The following AGAP1 variants were observed in gnomAD, a reference collection of about 807,000 sequenced individuals.
AGAP1 encodes ArfGAP with GTPase domain, ankyrin repeat and PH domain 1.
AGAP1 carries 29 observed loss-of-function variants against 105.3 expected under a neutral mutation model. The observed-to-expected ratio is 0.28, with a 90% CI of 0.21 to 0.38. The LOEUF (loss-of-function observed/expected upper bound fraction) is 0.38. AGAP1 is among the 10% of genes least tolerant of loss of function. AGAP1 has a pLI of 1.00. For synonymous variants in AGAP1, 509 were observed against 485.9 expected, an observed-to-expected ratio of 1.05 and a Z score of -0.63; for missense variants, 998 against 1,165.1, an observed-to-expected ratio of 0.86 and a Z score of 2.09.
Position 236,042,506 on chromosome 2 carries a change from GT to G in AGAP1, c.1891+1669del, listed in dbSNP as rs1156554521. Among the ~76,000 whole-genome samples the G allele has an allele frequency of 6.6e-6, 1 of 152,196 alleles. No homozygotes were observed. Reference sequence around the variant, plus strand: ...ATTTGAAGTGTGTTTCTATCAAAAAGTTTTAAAAGTAAGAGCTTTTTTAAAA... The same window carrying G: ...ATTTGAAGTGTGTTTCTATCAAAAAGTTTAAAAGTAAGAGCTTTTTTAAAA... On this transcript the variant is annotated intron_variant, in intron 15 of 17. Transcript: ENST00000304032. The surrounding 1 kb of genome is among the most constrained non-coding windows in gnomAD (Gnocchi z 5.6).
rs1053936464 is a variant in AGAP1, at chr2:235,965,667, C to T, written c.1484-2795C>T. On this transcript the variant is annotated intron_variant, in intron 12 of 17. Coordinates refer to ENST00000304032, the MANE Select transcript of AGAP1 (RefSeq NM_001037131.3). The surrounding 1 kb of genome is among the most constrained non-coding windows in gnomAD (Gnocchi z 5.8). The stretch of plus-strand genomic sequence containing the variant: ...CAGCGGATTGCTTAAGAGTCCTGAA[C>T]GCATTGCTGAAGGTAGAGCCTGGAA... Among the ~76,000 whole-genome samples the T allele has an allele frequency of 1.3e-5, 2 of 152,132 alleles. No homozygotes were observed. Among genetic ancestry groups the T allele is most frequent in the East Asian group, 1.9e-4 (1 of 5,186 alleles).
chr2:235,503,494 G>A (rs1941656308), intron 1 of AGAP1, among the ~76,000 whole-genome samples: 1 of 152,210 alleles, frequency 6.6e-6, no homozygotes, highest in Non-Finnish European at 1.5e-5. Flanking sequence ...CAACAATCAA[G>A]CCTGGGTCTC....
chr2:235,585,969 C>G (rs1255479119), intron 1 of AGAP1, among the ~76,000 whole-genome samples: 1 of 152,148 alleles, frequency 6.6e-6, no homozygotes, highest in African/African-American at 2.4e-5. Context: ...GTTAAATTCT[C>G]AGGTTTCAGG....
At chr2:235,713,501 T>C (rs1268498283) in intron 2 of AGAP1, among the ~76,000 whole-genome samples, 1 of 152,216 alleles carries the variant, frequency 6.6e-6, no homozygotes, top group African/African-American at 2.4e-5. Context: ...GCGTCTGCCT[T>C]GGGCTCTGCA....
chr2:235,759,255 A>ACCT (rs1329107655), intron 6 of AGAP1, among the ~76,000 whole-genome samples: 1 of 131,502 alleles, frequency 7.6e-6, no homozygotes, highest in Non-Finnish European at 1.6e-5. Context: ...TGCAAGCTCC[A>ACCT]CCTCCTGGGT....
At position 235,553,927 on chromosome 2, in the gene AGAP1, G is replaced by C. The variant is rs905644547; in HGVS notation, c.163+59078G>C. Among the ~76,000 whole-genome samples the C allele has an allele frequency of 1.3e-5, 2 of 152,218 alleles. No individual in the cohort carries two copies. The highest frequency in any genetic ancestry group is 4.8e-5 in the African/African-American group (2 of 41,452). ...CTCCCACCCCACCCCGTGGTGCGGC[G>C]TGTGCCAAGACCAGCCCTCTGAGGT... On this transcript the variant is annotated intron_variant, in intron 1 of 17. Coordinates refer to ENST00000304032, the MANE Select transcript of AGAP1 (RefSeq NM_001037131.3). The surrounding 1 kb of genome is among the most constrained non-coding windows in gnomAD (Gnocchi z 4.5).
Position 236,046,217 on chromosome 2 carries a change from C to T in AGAP1, c.1892-2842C>T, listed in dbSNP as rs2057713761. On this transcript the variant is annotated intron_variant, in intron 15 of 17. Transcript: ENST00000304032. This position sits in a 1 kb window ranked among gnomAD's most constrained non-coding sequence, Gnocchi z 5.2. ...GGAGACAGTGTGTCAGAGCACTCCCCACAGCACTCGGTGATGGGCTGGATG... is the reference window on the plus strand; with the variant it reads ...GGAGACAGTGTGTCAGAGCACTCCCTACAGCACTCGGTGATGGGCTGGATG... 6.6e-6 allele frequency among the ~76,000 whole-genome samples: 1 copy of T among 152,126 alleles called. No homozygotes were observed. Among genetic ancestry groups the T allele is most frequent in the Non-Finnish European group, 1.5e-5 (1 of 68,018 alleles).
rs976284202 is a variant in AGAP1 at position 235,824,596 on chromosome 2, G to A, written c.1050+17265G>A. Among the ~76,000 whole-genome samples, 2 of 152,170 alleles carry A rather than the reference G, an allele frequency of 1.3e-5. No homozygotes were observed. Among genetic ancestry groups the A allele is most frequent in the African/African-American group, 2.4e-5 (1 of 41,440 alleles). On this transcript the variant is annotated intron_variant, in intron 9 of 17. Coordinates refer to ENST00000304032, the MANE Select transcript of AGAP1 (RefSeq NM_001037131.3). This position sits in a 1 kb window ranked among gnomAD's most constrained non-coding sequence, Gnocchi z 5.2. ...AGAGGCAATGTAGAAATTAGTTCCC[G>A]AATTACTTGTTAATTGATTTGGTGA...
chr2:235,767,363 G>A (rs968861636), intron 6 of AGAP1, among the ~76,000 whole-genome samples: 2 of 152,222 alleles, frequency 1.3e-5, no homozygotes, highest in African/African-American at 4.8e-5. Flanking sequence ...CAGGTTGGGC[G>A]CAGGCTTCTC....
rs1294921799 is a variant in AGAP1 at position 235,843,531 on chromosome 2, G to A, written c.1050+36200G>A. Among the ~76,000 whole-genome samples, 2 of 152,060 alleles carry A rather than the reference G, an allele frequency of 1.3e-5. No individual in the cohort carries two copies. Among genetic ancestry groups the A allele is most frequent in the African/African-American group, 4.8e-5 (2 of 41,384 alleles). On this transcript the variant is annotated intron_variant, in intron 9 of 17. Transcript: ENST00000304032. The surrounding 1 kb of genome is among the most constrained non-coding windows in gnomAD (Gnocchi z 5.9). ...CCTGCACAGCACTCTTTCTGCTGTG[G>A]GATGCCTCCGCCTCCCTTCGTTCCC...
rs115178302 is a variant in AGAP1 at position 235,739,358 on chromosome 2, C to T, written c.311-1605C>T. Among the ~76,000 whole-genome samples, 4,369 of 152,216 alleles carry T rather than the reference C, an allele frequency of 0.029. 207 individuals carry two copies. Among genetic ancestry groups the T allele is most frequent in the African/African-American group, 0.097 (4,047 of 41,510 alleles). On this transcript the variant is annotated intron_variant, in intron 3 of 17. Transcript: ENST00000304032. The surrounding 1 kb of genome is among the most constrained non-coding windows in gnomAD (Gnocchi z 5.3). ...TAGAAAAGCATTTCTTTTTTGCCTA[C>T]GAGGACTCTCGATTCAGGGACCCTG...
rs1018161173 is a variant in AGAP1, at chr2:236,089,453, C to T, written c.2115-30739C>T. Among the ~76,000 whole-genome samples the T allele has an allele frequency of 3.3e-5, 5 of 152,154 alleles. No individual in the cohort carries two copies. The highest frequency in any genetic ancestry group is 6.5e-5 in the Admixed American group (1 of 15,274). On this transcript the variant is annotated intron_variant, in intron 16 of 17. Transcript: ENST00000304032. The surrounding 1 kb of genome is among the most constrained non-coding windows in gnomAD (Gnocchi z 5.6). The stretch of plus-strand genomic sequence containing the variant: ...GGAGATAAAGCGCCTACTAGGCTGC[C>T]GGGTACTGGCAGAAGAGAGTGAGCG...
In AGAP1 at chr2:235,964,385, C is replaced by T. The variant is rs1272629485; in HGVS notation, c.1484-4077C>T. Among the ~76,000 whole-genome samples, 2 of 152,154 alleles carry T rather than the reference C, an allele frequency of 1.3e-5. No individual in the cohort carries two copies. Among genetic ancestry groups the T allele is most frequent in the Non-Finnish European group, 2.9e-5 (2 of 68,042 alleles). On this transcript the variant is annotated intron_variant, in intron 12 of 17. Transcript: ENST00000304032. The surrounding 1 kb of genome is among the most constrained non-coding windows in gnomAD (Gnocchi z 4.6). ...GGGTTGAGCTCTCTGAGGGCAAAGA[C>T]AGTCACAGTGACCATTGTTTCCCAT... is the stretch of plus-strand genomic sequence containing the variant.
rs1958955207 is a variant in AGAP1 at position 235,824,320 on chromosome 2, T to C, written c.1050+16989T>C. 1.3e-5 allele frequency among the ~76,000 whole-genome samples: 2 copies of C among 152,352 alleles called. No individual in the cohort carries two copies. Among genetic ancestry groups the C allele is most frequent in the East Asian group, 3.9e-4 (2 of 5,188 alleles). ...GAGTATCTGGGATTGACAGTGGCTT[T>C]AATTAGTTGATTACTAGTTCTTTAA... is the stretch of plus-strand genomic sequence containing the variant. On this transcript the variant is annotated intron_variant, in intron 9 of 17. Transcript: ENST00000304032. The surrounding 1 kb of genome is among the most constrained non-coding windows in gnomAD (Gnocchi z 5.2).
At position 235,807,291 on chromosome 2, in the gene AGAP1, C is replaced by G; in HGVS notation, c.1010C>G (p.Ala337Gly). Residue 337 changes from alanine (A) to glycine (G), a missense_variant, in exon 9 of 18, where the codon GCG becomes GGG. Transcript: ENST00000304032. ...DKEKKGLESRADSIGSGRAIP... is the reference protein window; with the variant it reads ...DKEKKGLESRGDSIGSGRAIP... ...GAGAAGAAAGGCCTGGAGAGTCGTG[C>G]GGACAGCATTGGGAGCGGCCGAGCC... The G allele has an allele frequency of 1.2e-6, 2 of 1,605,046 alleles. No homozygotes were observed. The highest frequency in any genetic ancestry group is 1.7e-6 in the Non-Finnish European group (2 of 1,177,716).
At chr2:235,674,938 C>T (rs190290655) in intron 1 of AGAP1, among the ~76,000 whole-genome samples, 3 of 151,742 alleles carry the variant, frequency 2.0e-5, no homozygotes, top group Non-Finnish European at 4.4e-5. Flanking sequence ...CCACCCCCCT[C>T]GGTCTGGGAT....
rs1221903938 is a variant in AGAP1, at chr2:236,104,057, G to A, written c.2115-16135G>A. 6.6e-6 allele frequency among the ~76,000 whole-genome samples: 1 copy of A among 152,184 alleles called. No homozygotes were observed. Among genetic ancestry groups the A allele is most frequent in the African/African-American group, 2.4e-5 (1 of 41,430 alleles). On this transcript the variant is annotated intron_variant, in intron 16 of 17. Coordinates refer to ENST00000304032, the MANE Select transcript of AGAP1 (RefSeq NM_001037131.3). The surrounding 1 kb of genome is among the most constrained non-coding windows in gnomAD (Gnocchi z 4.7). ...AGGGAAATTGAATATTCAAACCCAG[G>A]CCTGCAGCAATGTGAAACCTTAGGT...
chr2:235,857,049 A>G (rs1179344842), intron 9 of AGAP1, among the ~76,000 whole-genome samples: 1 of 152,182 alleles, frequency 6.6e-6, no homozygotes, highest in Non-Finnish European at 1.5e-5. Flanking sequence ...GCAGGTGGTG[A>G]GCCTGAGATG....
At chr2:235,933,536 A>ATTTTTTTTTTTTTTTTTTTTTTTTTTTTT (rs71036300) in intron 12 of AGAP1, among the ~76,000 whole-genome samples, 1 of 141,986 alleles carries the variant, frequency 7.0e-6, no homozygotes, top group African/African-American at 2.6e-5. Flanking sequence ...TTTTCTAAGG[A>ATTTTTTTTTTTTTTTTTTTTTTTTTTTTT]TTTTTTTTTT....
Sources: gnomAD v4.1 joint callset for allele counts (sites outside exome capture counted in the v4.1 genomes callset) on GRCh38, gnomAD v4.1.1 for gene constraint, Gnocchi (gnomAD v3.1) non-coding constraint, MANE v1.5 for transcripts, NCBI Gene and HGNC (gene_info 2026-07-23, HGNC 2026-07-21) for gene names.